Variants in GABRA4 observed in about 807,000 individuals in gnomAD.
GABRA4 encodes gamma-aminobutyric acid receptor subunit alpha-4.
GABRA4 carries 12 observed loss-of-function variants against 49.7 expected under a neutral mutation model. The observed-to-expected ratio is 0.24, with a 90% CI of 0.15 to 0.39. The LOEUF is 0.39. GABRA4 is among the 10% of genes least tolerant of loss of function. The pLI, the probability that GABRA4 is intolerant of heterozygous loss-of-function variation, is 1.00. For missense variants in GABRA4, 506 were observed against 686.0 expected (o/e 0.74, Z 2.93); for synonymous variants, 288 against 240.2 (o/e 1.20, Z -1.84).
chr4:46,945,358 A>C (rs1300426809), intron 8 of GABRA4, among the ~76,000 whole-genome samples: 2 of 152,124 alleles, frequency 1.3e-5, no homozygotes, highest in African/African-American at 4.8e-5. Flanking sequence ...TTGAGGCTAC[A>C]CAGGAAAGGC....
At chr4:46,987,730 G>C (rs1210365780) in intron 2 of GABRA4, among the ~76,000 whole-genome samples, 1 of 151,936 alleles carries the variant, frequency 6.6e-6, no homozygotes, top group African/African-American at 2.4e-5. Context: ...CAACTTAAGA[G>C]AACTAAAGCT....
intron 8 of GABRA4, among the ~76,000 whole-genome samples, chr4:46,945,338 C>T (rs980705638): frequency 6.6e-6 from 1 of 152,138 alleles, no homozygotes; most frequent in African/African-American, 2.4e-5. Flanking sequence ...CTGCACCTTC[C>T]TCTTGCCCTT....
At chr4:46,992,122 C>T (rs1045544515) in intron 2 of GABRA4, among the ~76,000 whole-genome samples, 2 of 152,128 alleles carry the variant, frequency 1.3e-5, no homozygotes, top group African/African-American at 2.4e-5. Context: ...ACATAGATTT[C>T]CATTATATAT....
intron 8 of GABRA4, among the ~76,000 whole-genome samples, chr4:46,961,250 AT>A (rs1473939873): frequency 1.3e-5 from 2 of 151,862 alleles, no homozygotes; most frequent in African/African-American, 4.8e-5. Flanking sequence ...AGAGCTATAA[AT>A]TGCAGGACCC....
chr4:46,975,801 A>G (rs1453178603), intron 5 of GABRA4, among the ~76,000 whole-genome samples: 1 of 151,938 alleles, frequency 6.6e-6, no homozygotes, highest in African/African-American at 2.4e-5. Context: ...GCACAAATGG[A>G]TTTTAATTCT....
intron 6 of GABRA4, among the ~76,000 whole-genome samples, 156 bp downstream of exon 6, chr4:46,974,076 T>C (rs528843184): frequency 4.6e-5 from 7 of 152,062 alleles, no homozygotes; most frequent in African/African-American, 1.7e-4. Context: ...ATTATAAATA[T>C]AAAGAAATTA....
intron 8 of GABRA4, 128 bp from the exon 9 acceptor site, chr4:46,928,883 C>T (rs968584029): frequency 1.6e-6 from 1 of 624,458 alleles, no homozygotes; most frequent in African/African-American, 1.9e-5. Context: ...AAGCTGTAGT[C>T]ATCTTGATTT....
intron 2 of GABRA4, among the ~76,000 whole-genome samples, chr4:46,983,130 C>T (rs564214130): frequency 6.6e-6 from 1 of 152,084 alleles, no homozygotes; most frequent in African/African-American, 2.4e-5. Flanking sequence ...TATGACAGAG[C>T]CAGAATTCTA....
rs952447847 is a variant in GABRA4, at chr4:46,993,557, C to T, written c.-133G>A. The T allele has an allele frequency of 6.8e-6, 6 of 884,402 alleles. No homozygotes were observed. Among genetic ancestry groups the T allele is most frequent in the Admixed American group, 2.2e-5 (1 of 46,498 alleles). The allele number at this position is 884,402 out of a possible 1,614,324, so 54.8% of individuals were successfully genotyped here. ...CGCGCTCACACTCGCCCGCGCTCAG[C>T]CAGCCCGAGCCGCGGTGGGCGTGTG... On this transcript the variant is annotated 5_prime_UTR_variant, in exon 1 of 9. Coordinates refer to ENST00000264318, the MANE Select transcript of GABRA4 (RefSeq NM_000809.4).
At chr4:46,989,031 G>A (rs1317849103) in intron 2 of GABRA4, among the ~76,000 whole-genome samples, 2 of 152,198 alleles carry the variant, frequency 1.3e-5, no homozygotes, top group African/African-American at 2.4e-5. Flanking sequence ...TACTATGTTA[G>A]TGAATAACCT....
chr4:46,928,061 C>T lies in GABRA4; in HGVS notation c.*164G>A. On this transcript the variant is annotated 3_prime_UTR_variant, in exon 9 of 9. Transcript: ENST00000264318. ...TGAAAAAAAACATAGTTCACTTTTT[C>T]ACTCAGGAATTAATTAACTCTCCCA... 3.4e-6 allele frequency: 2 copies of T among 585,098 alleles called. No individual in the cohort carries two copies. Among genetic ancestry groups the T allele is most frequent in the Non-Finnish European group, 2.8e-6 (1 of 359,238 alleles). The allele number at this position is 585,098 out of a possible 1,614,324, so 36.2% of individuals were successfully genotyped here. A position where few individuals can be genotyped will look rare whatever the true frequency, so the allele number is the denominator to read the frequency against.
At position 46,967,669 on chromosome 4, in the gene GABRA4, T is replaced by C. The variant is rs992688453; in HGVS notation, c.875-2440A>G. On this transcript the variant is annotated intron_variant, in intron 7 of 8. Coordinates refer to ENST00000264318, the MANE Select transcript of GABRA4 (RefSeq NM_000809.4). Reference sequence around the variant, plus strand: ...CTTCCTCTGCATCCAGGAAGACAATTCATCTGTCGTGTATGGCTTAGCCGG... The same window carrying C: ...CTTCCTCTGCATCCAGGAAGACAATCCATCTGTCGTGTATGGCTTAGCCGG... Among the ~76,000 whole-genome samples the C allele has an allele frequency of 3.3e-5, 5 of 151,792 alleles. No individual in the cohort carries two copies. The East Asian group carries it at 9.7e-4, about 30-fold the overall frequency.
chr4:46,944,034 T>C (rs1721902347), intron 8 of GABRA4, among the ~76,000 whole-genome samples: 2 of 152,002 alleles, frequency 1.3e-5, no homozygotes, highest in Non-Finnish European at 2.9e-5. Flanking sequence ...TTATGTAACA[T>C]GAGTAAATTC....
chr4:46,965,242 A>C lies in GABRA4; in HGVS notation c.875-13T>G. The C allele has an allele frequency of 7.0e-7, 1 of 1,418,836 alleles. No homozygotes were observed. Among genetic ancestry groups the C allele is most frequent in the Non-Finnish European group, 9.3e-7 (1 of 1,077,624 alleles). The allele number at this position is 1,418,836 out of a possible 1,614,324, so 87.9% of individuals were successfully genotyped here. A position where few individuals can be genotyped will look rare whatever the true frequency, so the allele number is the denominator to read the frequency against. On this transcript the variant is annotated splice_polypyrimidine_tract_variant and intron_variant, in intron 7 of 8. Coordinates refer to ENST00000264318, the MANE Select transcript of GABRA4 (RefSeq NM_000809.4). ...ACAGTTGTTATTCCTTCAAAGCAAA[A>C]GAGCAGAGAGACAAAACACCTTACC...
rs192695275 is a variant in GABRA4, at chr4:46,951,435, C to G, written c.1134+13535G>C. ...CTTCAAGTTCATACTCTTCAAAACA[C>G]TTTTCAAATAAATCTGCCCAATAAA... On this transcript the variant is annotated intron_variant, in intron 8 of 8. Coordinates refer to ENST00000264318, the MANE Select transcript of GABRA4 (RefSeq NM_000809.4). 3.3e-5 allele frequency among the ~76,000 whole-genome samples: 5 copies of G among 151,940 alleles called. No individual in the cohort carries two copies. The East Asian group carries it at 7.8e-4, about 24-fold the overall frequency.
chr4:46,928,111 G>A lies in GABRA4; in HGVS notation c.*114C>T. Reference sequence around the variant, plus strand: ...AATAACTGGCTTATATCTTTAAATGGAAAAATTACACAGAGTTTTTATTTT... The same window carrying A: ...AATAACTGGCTTATATCTTTAAATGAAAAAATTACACAGAGTTTTTATTTT... On this transcript the variant is annotated 3_prime_UTR_variant, in exon 9 of 9. Transcript: ENST00000264318. The A allele has an allele frequency of 2.1e-6, 2 of 937,138 alleles. No individual in the cohort carries two copies. The highest frequency in any genetic ancestry group is 3.0e-6 in the Non-Finnish European group (2 of 660,720). 58.1% of individuals were successfully genotyped at this position (937,138 alleles called of 1,614,324 possible).
intron 8 of GABRA4, among the ~76,000 whole-genome samples, chr4:46,931,515 G>C (rs112666102): frequency 3.3e-5 from 5 of 152,204 alleles, no homozygotes; most frequent in African/African-American, 1.2e-4. Flanking sequence ...GGCTTCAAAA[G>C]TGACACCAAT....
At chr4:46,984,114 C>A (rs1182924047) in intron 2 of GABRA4, among the ~76,000 whole-genome samples, 1 of 151,968 alleles carries the variant, frequency 6.6e-6, no homozygotes, top group Non-Finnish European at 1.5e-5. Context: ...ATTTCATCTC[C>A]AATAATGATG....
At chr4:46,964,808 A>G (rs2280075) in intron 8 of GABRA4, among the ~76,000 whole-genome samples, 162 bp downstream of exon 8, 15,030 of 151,782 alleles carry the variant, frequency 0.099, 875 homozygotes, top group South Asian at 0.24. Flanking sequence ...TTAATCACCA[A>G]CATAAAGTTT....
Sources: gnomAD v4.1 joint callset for allele counts (sites outside exome capture counted in the v4.1 genomes callset) on GRCh38, gnomAD v4.1.1 for gene constraint, MANE v1.5 for transcripts, NCBI Gene and HGNC (gene_info 2026-07-23, HGNC 2026-07-21) for gene names.